Variants in CROCC2 observed in about 807,000 individuals in gnomAD.
The protein encoded by CROCC2 is ciliary rootlet coiled-coil, rootletin family member 2.
A neutral mutation model predicts 177.6 loss-of-function variants in CROCC2; 163 were observed. The observed-to-expected ratio is 0.92, with a 90% CI of 0.81 to 1.05. The LOEUF is 1.05. Among genes scored for constraint, CROCC2 ranks in the 50% least tolerant of loss-of-function variants. CROCC2 has a pLI of 0.00. For synonymous variants in CROCC2, 904 were observed against 787.3 expected, an observed-to-expected ratio of 1.15 and a Z score of -2.48; for missense variants, 1,929 against 1,797.8, an observed-to-expected ratio of 1.07 and a Z score of -1.32.
intron 10 of CROCC2, 108 bp from the exon 11 acceptor site, chr2:240,933,562 A>G (rs1005373502): frequency 1.2e-5 from 16 of 1,309,406 alleles, no homozygotes; most frequent in Non-Finnish European, 1.7e-5. Context: ...CCCTCTGCCC[A>G]TGCAGTCTCA....
At chr2:240,990,316 G>A (rs879582944) in intron 30 of CROCC2, among the ~76,000 whole-genome samples, 1 of 152,168 alleles carries the variant, frequency 6.6e-6, no homozygotes, top group Non-Finnish European at 1.5e-5. Flanking sequence ...CCAAGCCTTG[G>A]GCGTGTGTGT....
At chr2:240,916,827 C>A (rs946982486) in intron 1 of CROCC2, among the ~76,000 whole-genome samples, 1 of 152,144 alleles carries the variant, frequency 6.6e-6, no homozygotes. Context: ...CGGAGCATGA[C>A]GGTCTCTGAT....
intron 14 of CROCC2, among the ~76,000 whole-genome samples, chr2:240,942,593 G>T (rs1178199257): frequency 6.6e-6 from 1 of 152,132 alleles, no homozygotes; most frequent in Non-Finnish European, 1.5e-5. Flanking sequence ...ATAATTTAAG[G>T]CTTTGAATGA....
At chr2:240,967,246 A>C in intron 25 of CROCC2, 99 bp from the exon 26 acceptor site, 1 of 524,640 alleles carries the variant, frequency 1.9e-6, no homozygotes, top group Non-Finnish European at 3.5e-6. Context: ...TGCAGGCCAG[A>C]CCGTGAGCGG....
In CROCC2 at chr2:240,946,835, G is replaced by A. The variant is rs550543374; in HGVS notation, c.2363+582G>A. ...AATCCTAGGAGCTGGGAGTCACAGG[G>A]CCTGATCCCAGGCTTGGGCTGCACA... On this transcript the variant is annotated intron_variant, in intron 15 of 31. Transcript: ENST00000690015. 3.3e-5 allele frequency among the ~76,000 whole-genome samples: 5 copies of A among 152,350 alleles called. 1 individual carries two copies. In the South Asian group the frequency reaches 1.0e-3, roughly 32 times the overall value.
At position 240,973,492 on chromosome 2, in the gene CROCC2, G is replaced by A. The variant is rs557995980; in HGVS notation, c.4401+5230G>A. On this transcript the variant is annotated intron_variant, in intron 27 of 31. Coordinates refer to ENST00000690015, the MANE Select transcript of CROCC2 (RefSeq NM_001351305.2). This position sits in a 1 kb window ranked among gnomAD's most constrained non-coding sequence, Gnocchi z 4.7. ...TCCGTGGCTCAGGGAAGCTCACGGC[G>A]TTCTTGGACTCTTGCCCAGGCCTCC... Among the ~76,000 whole-genome samples the A allele has an allele frequency of 5.2e-4, 79 of 152,272 alleles. No individual in the cohort carries two copies. Among genetic ancestry groups the A allele is most frequent in the Non-Finnish European group, 8.5e-4 (58 of 68,020 alleles).
intron 2 of CROCC2, 93 bp from the exon 3 acceptor site, chr2:240,919,890 G>GGGCCCCC: frequency 1.7e-6 from 1 of 591,410 alleles, no homozygotes; most frequent in Non-Finnish European, 3.1e-6. Context: ...GAGCCTGGTG[G>GGGCCCCC]CCAGCCCAGG....
At chr2:240,923,522 A>G (rs1265454472) in intron 4 of CROCC2, among the ~76,000 whole-genome samples, 1 of 45,970 alleles carries the variant, frequency 2.2e-5, no homozygotes, top group Middle Eastern at 0.014. Context: ...ACACTAACCC[A>G]GCCCCCCACA....
At chr2:240,956,664 G>A (rs560137715) in intron 19 of CROCC2, among the ~76,000 whole-genome samples, 76 of 152,354 alleles carry the variant, frequency 5.0e-4, no homozygotes, top group African/African-American at 1.8e-3. Context: ...ATATGGCACT[G>A]GGCAGGAGGG....
chr2:240,951,447 C>T (rs1206021726), intron 18 of CROCC2, among the ~76,000 whole-genome samples: 1 of 152,110 alleles, frequency 6.6e-6, no homozygotes, highest in Non-Finnish European at 1.5e-5. Context: ...TCCATCCATG[C>T]ACTTGAATGA....
intron 28 of CROCC2, chr2:240,986,016 T>C (rs1225246793): frequency 4.4e-6 from 2 of 453,606 alleles, no homozygotes; most frequent in Non-Finnish European, 8.9e-6. Context: ...GTCTGCACAG[T>C]TGGGCTCCTC....
rs1212375167 is a variant in CROCC2 at position 240,917,417 on chromosome 2, G to A, written c.79-1309G>A. On this transcript the variant is annotated intron_variant, in intron 1 of 31. Coordinates refer to ENST00000690015, the MANE Select transcript of CROCC2 (RefSeq NM_001351305.2). The surrounding 1 kb of genome is among the most constrained non-coding windows in gnomAD (Gnocchi z 4.9). Reference sequence around the variant, plus strand: ...GCCTGGCTGGGGTTGGGAGGAGGGTGGGGGAGCAGGGCACAGCCACCAGCC... The same window carrying A: ...GCCTGGCTGGGGTTGGGAGGAGGGTAGGGGAGCAGGGCACAGCCACCAGCC... 2.0e-5 allele frequency among the ~76,000 whole-genome samples: 3 copies of A among 152,154 alleles called. No individual in the cohort carries two copies. Among genetic ancestry groups the A allele is most frequent in the Admixed American group, 6.5e-5 (1 of 15,278 alleles).
intron 27 of CROCC2, among the ~76,000 whole-genome samples, chr2:240,975,719 CTTTTTTTT>C (rs55896940): frequency 1.1e-5 from 1 of 88,006 alleles, no homozygotes; most frequent in Admixed American, 1.3e-4. Context: ...AACCAGCCTG[CTTTTTTTT>C]TTTTTTTTTT....
chr2:240,987,264 G>T (rs1349053748), intron 28 of CROCC2, among the ~76,000 whole-genome samples: 1 of 152,184 alleles, frequency 6.6e-6, no homozygotes, highest in Non-Finnish European at 1.5e-5. Context: ...GCCTGAGGAG[G>T]GGGAGGGAAG....
chr2:240,974,067 C>T (rs1050644871), intron 27 of CROCC2, among the ~76,000 whole-genome samples: 6 of 152,162 alleles, frequency 3.9e-5, no homozygotes, highest in Non-Finnish European at 7.3e-5. Context: ...TTGCCAAAGA[C>T]CTGCACATAC....
chr2:240,955,802 C>A, intron 18 of CROCC2, 57 bp from the exon 19 acceptor site: 1 of 1,269,272 alleles, frequency 7.9e-7, no homozygotes, highest in Non-Finnish European at 1.1e-6. Context: ...AGAGGGGGGC[C>A]TCTTCCCTCC....
rs891578847 is a variant in CROCC2, at chr2:240,932,558, A to G, written c.1044+144A>G. 5 of 689,674 alleles carry G rather than the reference A, an allele frequency of 7.2e-6. No homozygotes were observed. The African/African-American group carries it at 8.8e-5, about 12-fold the overall frequency. 42.7% of individuals were successfully genotyped at this position (689,674 alleles called of 1,614,324 possible). ...CCTGCAGTGCACTTTGAGGCACGTC[A>G]GGAAGGTGTGGCCCCTCGCCTGTCC... On this transcript the variant is annotated intron_variant, in intron 8 of 31. Coordinates refer to ENST00000690015, the MANE Select transcript of CROCC2 (RefSeq NM_001351305.2).
intron 28 of CROCC2, among the ~76,000 whole-genome samples, chr2:240,987,346 A>G (rs2059847400): frequency 1.3e-5 from 2 of 152,188 alleles, no homozygotes; most frequent in South Asian, 4.1e-4. Flanking sequence ...TTGGTGTCTC[A>G]GGAGGGGAAA....
At chr2:240,930,095 G>A in intron 5 of CROCC2, 71 bp from the exon 6 acceptor site, 1 of 520,046 alleles carries the variant, frequency 1.9e-6, no homozygotes. Context: ...ACATGCACTT[G>A]GAAAAGAGTG....
Sources: allele counts gnomAD v4.1 joint callset (sites outside exome capture counted in the v4.1 genomes callset), GRCh38; gene constraint gnomAD v4.1.1; non-coding constraint Gnocchi (gnomAD v3.1); transcripts MANE v1.5; gene names NCBI Gene and HGNC (gene_info 2026-07-23, HGNC 2026-07-21).